Variants in ENTREP2 observed in about 807,000 individuals in gnomAD.
The protein encoded by ENTREP2 is protein ENTREP2.
chr15:29,481,279 A>G, the ENTREP2 span, among the ~76,000 whole-genome samples: 1 of 152,198 alleles, frequency 6.6e-6, no homozygotes, highest in Non-Finnish European at 1.5e-5. Flanking sequence ...GTTAAAATGC[A>G]GATCCTGCTA....
At chr15:29,661,196 GT>G in the ENTREP2 span, among the ~76,000 whole-genome samples, 3 of 151,948 alleles carry the variant, frequency 2.0e-5, no homozygotes, top group African/African-American at 7.2e-5. Flanking sequence ...AGATTTTTTT[GT>G]TTGTTTGTTT....
chr15:29,372,489 T>C, the ENTREP2 span, among the ~76,000 whole-genome samples: 1 of 152,178 alleles, frequency 6.6e-6, no homozygotes, highest in African/African-American at 2.4e-5. Flanking sequence ...TCACACATTA[T>C]ATGCAAATTT....
chr15:29,402,726 AAT>A, the ENTREP2 span, among the ~76,000 whole-genome samples: 3 of 152,232 alleles, frequency 2.0e-5, no homozygotes, highest in Non-Finnish European at 4.4e-5. Flanking sequence ...GAAGCAAACA[AAT>A]ACATAAAGAA....
the ENTREP2 span, among the ~76,000 whole-genome samples, chr15:29,138,551 GTGTGCA>G: frequency 6.9e-5 from 10 of 144,892 alleles, no homozygotes; most frequent in East Asian, 1.6e-3. Context: ...TTGTGTGTGT[GTGTGCA>G]TGTGCATGTG....
At chr15:29,522,162 A>G in the ENTREP2 span, among the ~76,000 whole-genome samples, 1 of 152,252 alleles carries the variant, frequency 6.6e-6, no homozygotes, top group Admixed American at 6.5e-5. Context: ...AATGTAAAAC[A>G]TGAAACTATA....
the ENTREP2 span, among the ~76,000 whole-genome samples, chr15:29,513,940 A>G: frequency 2.1e-4 from 32 of 152,242 alleles, no homozygotes; most frequent in African/African-American, 7.0e-4. Context: ...TGCAGTGTCT[A>G]CATTCTAGAG....
At chr15:29,571,058 G>A in the ENTREP2 span, among the ~76,000 whole-genome samples, 1 of 147,094 alleles carries the variant, frequency 6.8e-6, no homozygotes, top group African/African-American at 2.5e-5. Flanking sequence ...GGCGCGAGCC[G>A]CTGCCGTCCC....
At chr15:29,582,111 T>A in the ENTREP2 span, among the ~76,000 whole-genome samples, 1 of 152,092 alleles carries the variant, frequency 6.6e-6, no homozygotes, top group African/African-American at 2.4e-5. Context: ...CCGGCTAATT[T>A]TTTTGTATTT....
At chr15:29,584,618 T>A in the ENTREP2 span, among the ~76,000 whole-genome samples, 1 of 152,146 alleles carries the variant, frequency 6.6e-6, no homozygotes, top group Non-Finnish European at 1.5e-5. Context: ...CTAAAAAAGT[T>A]AAACTCACAG....
the ENTREP2 span, among the ~76,000 whole-genome samples, chr15:29,319,449 G>A: frequency 6.6e-6 from 1 of 152,198 alleles, no homozygotes; most frequent in South Asian, 2.1e-4. Context: ...GCTGCCATCA[G>A]TCCAATGGCA....
the ENTREP2 span, among the ~76,000 whole-genome samples, chr15:29,664,446 C>CTTTT: frequency 6.7e-6 from 1 of 148,364 alleles, no homozygotes; most frequent in African/African-American, 2.6e-5. Flanking sequence ...TTTTCTCTCT[C>CTTTT]TCTTTTTTTT....
the ENTREP2 span, among the ~76,000 whole-genome samples, chr15:29,148,287 G>A: frequency 6.6e-6 from 1 of 152,152 alleles, no homozygotes; most frequent in South Asian, 2.1e-4. Flanking sequence ...TGTATGATAG[G>A]TGAATTGTAT....
the ENTREP2 span, chr15:29,123,178 C>G: frequency 9.4e-5 from 67 of 714,458 alleles, no homozygotes; most frequent in Non-Finnish European, 1.0e-4. Context: ...GAGGGGGTAA[C>G]AGTTCCCTGC....
chr15:29,478,269 C>T, the ENTREP2 span, among the ~76,000 whole-genome samples: 3 of 151,860 alleles, frequency 2.0e-5, no homozygotes, highest in Non-Finnish European at 4.4e-5. Context: ...CCTCGTGATC[C>T]GCCTGCCTTG....
the ENTREP2 span, among the ~76,000 whole-genome samples, chr15:29,170,660 TCC>T: frequency 2.0e-5 from 3 of 152,092 alleles, no homozygotes; most frequent in African/African-American, 7.2e-5. Context: ...CCCTTCTCTC[TCC>T]CACCCCTGCT....
chr15:29,136,921 T>A, the ENTREP2 span: 1 of 939,138 alleles, frequency 1.1e-6, no homozygotes, highest in Non-Finnish European at 1.5e-6. Context: ...CTCCTTCCAC[T>A]GCCCCTCCTC....
At chr15:29,365,801 T>C in the ENTREP2 span, among the ~76,000 whole-genome samples, 1 of 151,736 alleles carries the variant, frequency 6.6e-6, no homozygotes. Flanking sequence ...TAAACACGCT[T>C]TACTTGGTAT....
chr15:29,572,765 G>A, the ENTREP2 span, among the ~76,000 whole-genome samples: 2 of 151,954 alleles, frequency 1.3e-5, no homozygotes, highest in Admixed American at 6.6e-5. Flanking sequence ...GAGAACTTTC[G>A]GTCTAGTGGG....
the ENTREP2 span, among the ~76,000 whole-genome samples, chr15:29,459,044 C>G: frequency 6.6e-6 from 1 of 152,202 alleles, no homozygotes; most frequent in Non-Finnish European, 1.5e-5. Context: ...ACCAGGCCAG[C>G]TGCCACACAG....
Sources: allele counts gnomAD v4.1 joint callset (sites outside exome capture counted in the v4.1 genomes callset), GRCh38; gene constraint gnomAD v4.1.1; transcripts MANE v1.5; gene names NCBI Gene and HGNC (gene_info 2026-07-23, HGNC 2026-07-21).